Variants in FGFR2 observed in about 807,000 individuals in gnomAD.
FGFR2 encodes the protein fibroblast growth factor receptor 2.
FGFR2 carries 19 observed loss-of-function variants against 95.9 expected under a neutral mutation model. That is an observed-to-expected ratio of 0.20 (90% confidence interval 0.14 to 0.29). FGFR2 has a LOEUF of 0.29. FGFR2 is among the 10% of genes least tolerant of loss of function. The pLI, the probability that FGFR2 is intolerant of heterozygous loss-of-function variation, is 1.00. For missense variants in FGFR2, 707 were observed against 1,056.9 expected, an observed-to-expected ratio of 0.67 and a Z score of 4.59; for synonymous variants, 392 against 393.3, an observed-to-expected ratio of 1.00 and a Z score of 0.04.
intron 8 of FGFR2, among the ~76,000 whole-genome samples, chr10:121,516,596 T>A (rs1044148697): frequency 6.6e-6 from 1 of 152,186 alleles, no homozygotes; most frequent in Non-Finnish European, 1.5e-5. Flanking sequence ...AAGAGGCAGA[T>A]GCATCAGAGA....
intron 9 of FGFR2, among the ~76,000 whole-genome samples, chr10:121,509,186 C>A (rs1326390399): frequency 2.0e-5 from 3 of 152,202 alleles, no homozygotes; most frequent in African/African-American, 7.2e-5. Flanking sequence ...TTAACATATT[C>A]TCTTGTTAGT....
intron 2 of FGFR2, among the ~76,000 whole-genome samples, chr10:121,585,898 G>T (rs1861749245): frequency 6.6e-6 from 1 of 152,180 alleles, no homozygotes; most frequent in South Asian, 2.1e-4. Flanking sequence ...GGACAAGAAG[G>T]CTCCTTAAGG....
intron 2 of FGFR2, among the ~76,000 whole-genome samples, chr10:121,574,531 A>T (rs1007324459): frequency 1.3e-5 from 2 of 151,688 alleles, no homozygotes; most frequent in African/African-American, 2.4e-5. Context: ...TCCATCTCAA[A>T]AATAATAATA....
At chr10:121,560,597 A>G (rs977956940) in intron 4 of FGFR2, among the ~76,000 whole-genome samples, 1 of 134,928 alleles carries the variant, frequency 7.4e-6, no homozygotes, top group Admixed American at 8.3e-5. Context: ...CCTGGGCAAC[A>G]GAGCAAGACT....
At chr10:121,590,588 G>A (rs1862482228) in intron 2 of FGFR2, among the ~76,000 whole-genome samples, 1 of 152,142 alleles carries the variant, frequency 6.6e-6, no homozygotes, top group Non-Finnish European at 1.5e-5. Flanking sequence ...ATTTTCTTAA[G>A]TCAATTGAGT....
At position 121,479,622 on chromosome 10, in the gene FGFR2, T is replaced by C. The variant is rs1844414960; in HGVS notation, c.*235A>G. On this transcript the variant is annotated 3_prime_UTR_variant, in exon 18 of 18. Transcript: ENST00000358487. ...AGTACGCACGGCAGGTGAGAGGGGT[T>C]ACATGGTGGCTTGTGGCAGTCCACT... 1 of 1,551,656 alleles carries C rather than the reference T, an allele frequency of 6.4e-7. No individual in the cohort carries two copies. Among genetic ancestry groups the C allele is most frequent in the African/African-American group, 1.4e-5 (1 of 73,062 alleles).
At chr10:121,577,936 C>T (rs1038103983) in intron 2 of FGFR2, among the ~76,000 whole-genome samples, 23 of 152,162 alleles carry the variant, frequency 1.5e-4, no homozygotes, top group African/African-American at 3.4e-4. Flanking sequence ...AGCTCCAAGT[C>T]GGCCCTGAAG....
chr10:121,533,006 G>A (rs1351458980), intron 6 of FGFR2, among the ~76,000 whole-genome samples: 1 of 152,202 alleles, frequency 6.6e-6, no homozygotes, highest in East Asian at 1.9e-4. Flanking sequence ...TGCGGCCTCT[G>A]ATGGGCCCCC....
intron 5 of FGFR2, among the ~76,000 whole-genome samples, chr10:121,540,482 T>C (rs773113937): frequency 4.6e-5 from 7 of 152,122 alleles, no homozygotes; most frequent in Admixed American, 6.5e-5. Context: ...TCCAGCGCAA[T>C]GAGAATTCCC....
chr10:121,531,943 A>G lies in FGFR2; in HGVS notation c.748+6649T>C, dbSNP rs760028673. Among the ~76,000 whole-genome samples, 12 of 152,202 alleles carry G rather than the reference A, an allele frequency of 7.9e-5. No individual in the cohort carries two copies. Among genetic ancestry groups the G allele is most frequent in the East Asian group, 1.9e-4 (1 of 5,192 alleles). On this transcript the variant is annotated intron_variant, in intron 6 of 17. Coordinates refer to ENST00000358487, the MANE Select transcript of FGFR2 (RefSeq NM_000141.5). The surrounding 1 kb of genome is among the most constrained non-coding windows in gnomAD (Gnocchi z 4.5). ...TCCGGTTCCGTGATCTGTCAACTAA[A>G]TAAGCCCACTTAGAAAGGCTGTCGC...
At chr10:121,501,368 A>C (rs950405312) in intron 10 of FGFR2, among the ~76,000 whole-genome samples, 1 of 152,208 alleles carries the variant, frequency 6.6e-6, no homozygotes, top group African/African-American at 2.4e-5. Flanking sequence ...TTCAAATACC[A>C]ATGGATTTTA....
At chr10:121,560,238 G>A (rs950844242) in intron 4 of FGFR2, among the ~76,000 whole-genome samples, 11 of 152,112 alleles carry the variant, frequency 7.2e-5, no homozygotes, top group Non-Finnish European at 1.5e-4. Context: ...TGGCATGGAC[G>A]GAACCAGCAG....
At position 121,551,287 on chromosome 10, in the gene FGFR2, T is replaced by C; in HGVS notation, c.624+3A>G. 6.2e-7 allele frequency: 1 copy of C among 1,614,120 alleles called. No homozygotes were observed. The highest frequency in any genetic ancestry group is 1.3e-5 in the African/African-American group (1 of 75,070). On this transcript the variant is annotated splice_donor_region_variant and intron_variant, in intron 5 of 17. Coordinates refer to ENST00000358487, the MANE Select transcript of FGFR2 (RefSeq NM_000141.5). The stretch of plus-strand genomic sequence containing the variant: ...ATGTGATGTTCTGAAAGCTTAATTC[T>C]ACCTTGTAGCCTCCAATGCGATGCT...
intron 5 of FGFR2, among the ~76,000 whole-genome samples, chr10:121,550,103 C>T (rs1855144258): frequency 1.3e-5 from 2 of 152,204 alleles, no homozygotes; most frequent in Non-Finnish European, 1.5e-5. Context: ...GAAATTCCAT[C>T]TCTCTCTTTC....
At position 121,557,612 on chromosome 10, in the gene FGFR2, C is replaced by A. The variant is rs184164905; in HGVS notation, c.455-6153G>T. On this transcript the variant is annotated intron_variant, in intron 4 of 17. Coordinates refer to ENST00000358487, the MANE Select transcript of FGFR2 (RefSeq NM_000141.5). ...TGCGAGCTGCTATGCTGGCCCAAAC[C>A]AACTTATTGATGATGTTTTCATTAC... is the stretch of plus-strand genomic sequence containing the variant. 2.0e-5 allele frequency among the ~76,000 whole-genome samples: 3 copies of A among 152,278 alleles called. No homozygotes were observed. In the East Asian group the frequency reaches 5.8e-4, roughly 29 times the overall value.
intron 2 of FGFR2, among the ~76,000 whole-genome samples, chr10:121,576,471 G>C (rs888963190): frequency 6.6e-6 from 1 of 152,170 alleles, no homozygotes; most frequent in Admixed American, 6.5e-5. Context: ...ACTGTTCTGG[G>C]GAAAACCCTT....
rs1844465940 is a variant in FGFR2 at position 121,480,029 on chromosome 10, A to G, written c.2302-8T>C. On this transcript the variant is annotated splice_region_variant and splice_polypyrimidine_tract_variant and intron_variant, in intron 17 of 17. Coordinates refer to ENST00000358487, the MANE Select transcript of FGFR2 (RefSeq NM_000141.5). ...GCTGAGGTCCAAGTATTCCTGAAAG[A>G]AGGGAAGAGAGACGTTTTATTTCAT... The G allele has an allele frequency of 6.2e-7, 1 of 1,613,114 alleles. No homozygotes were observed. The highest frequency in any genetic ancestry group is 1.3e-5 in the African/African-American group (1 of 74,916).
chr10:121,512,564 T>C (rs754948876), intron 9 of FGFR2, among the ~76,000 whole-genome samples: 31 of 152,146 alleles, frequency 2.0e-4, no homozygotes, highest in Non-Finnish European at 4.3e-4. Context: ...TTTGTTTTGT[T>C]TTGTTTTGTT....
At chr10:121,495,924 G>A (rs1846735751) in intron 13 of FGFR2, among the ~76,000 whole-genome samples, 1 of 152,198 alleles carries the variant, frequency 6.6e-6, no homozygotes, top group Non-Finnish European at 1.5e-5. Context: ...CAGAATAACT[G>A]AAATGTTTCA....
Sources: allele counts gnomAD v4.1 joint callset (sites outside exome capture counted in the v4.1 genomes callset), GRCh38; gene constraint gnomAD v4.1.1; non-coding constraint Gnocchi (gnomAD v3.1); transcripts MANE v1.5; gene names NCBI Gene and HGNC (gene_info 2026-07-23, HGNC 2026-07-21).